The following ADGRE3 variants were observed in gnomAD, a reference collection of about 807,000 sequenced individuals.
The protein encoded by ADGRE3 is adhesion G protein-coupled receptor E3.
In ADGRE3, 88 loss-of-function variants were observed where a neutral mutation model predicts 80.1. The ratio of observed to expected loss-of-function variants is 1.10; its 90% CI spans 0.93 to 1.31. The LOEUF is 1.31. Ranked by LOEUF, ADGRE3 falls within the 40% of genes most tolerant of loss-of-function variation. The pLI is 0.00. For synonymous variants in ADGRE3, 281 were observed against 294.8 expected (o/e 0.95, Z 0.48); for missense variants, 715 against 776.5 (o/e 0.92, Z 0.94).
intron 4 of ADGRE3, among the ~76,000 whole-genome samples, chr19:14,661,653 T>C (rs1971946416): frequency 6.6e-6 from 1 of 152,130 alleles, no homozygotes; most frequent in Non-Finnish European, 1.5e-5. Flanking sequence ...AACAAATACG[T>C]CTTTTCTGAT....
At chr19:14,641,750 T>C (rs1971258088) in intron 9 of ADGRE3, 134 bp from the exon 10 acceptor site, 1 of 1,073,644 alleles carries the variant, frequency 9.3e-7, no homozygotes, top group Non-Finnish European at 1.4e-6. Flanking sequence ...CTAATGTAGA[T>C]TGCTAATGTA....
chr19:14,611,003 T>A, the ADGRE3 span: 5 of 150,418 alleles, frequency 3.3e-5, no homozygotes, highest in African/African-American at 1.2e-4. Flanking sequence ...TCTTTTCCTT[T>A]TTTTTTTTTT....
At chr19:14,620,523 TGAA>T (rs1970535893) in intron 15 of ADGRE3, among the ~76,000 whole-genome samples, 1 of 45,728 alleles carries the variant, frequency 2.2e-5, no homozygotes, top group African/African-American at 8.0e-5. Context: ...TGACTATATA[TGAA>T]TATATATATT....
intron 14 of ADGRE3, chr19:14,628,917 T>G (rs1394610971): frequency 6.4e-6 from 1 of 156,278 alleles, no homozygotes. Flanking sequence ...GACTGGAAGC[T>G]TCTTCTTTTT....
chr19:14,643,843 T>C (rs904053128), intron 9 of ADGRE3, among the ~76,000 whole-genome samples: 5 of 152,034 alleles, frequency 3.3e-5, no homozygotes, highest in African/African-American at 1.2e-4. Context: ...CCTGAGTAGC[T>C]GGGATTACAG....
At chr19:14,620,548 T>TAATATATATATATATATATATATATATA in intron 15 of ADGRE3, among the ~76,000 whole-genome samples, 2 of 24,974 alleles carry the variant, frequency 8.0e-5, no homozygotes, top group African/African-American at 2.1e-4. Flanking sequence ...TATATATATA[T>TAATATATATATATATATATATATATATA]TATATATATA....
the ADGRE3 span, among the ~76,000 whole-genome samples, chr19:14,612,269 G>A: frequency 6.6e-6 from 1 of 152,146 alleles, no homozygotes; most frequent in Non-Finnish European, 1.5e-5. Flanking sequence ...TTGGCTTGTA[G>A]ATGATCCTCT....
the ADGRE3 span, among the ~76,000 whole-genome samples, chr19:14,605,903 T>C: frequency 2.2e-4 from 34 of 152,236 alleles, no homozygotes; most frequent in East Asian, 6.6e-3. Context: ...CACGTCTGGC[T>C]AATTTTTAAA....
At chr19:14,635,562 C>T (rs1459116094) in intron 11 of ADGRE3, among the ~76,000 whole-genome samples, 3 of 151,890 alleles carry the variant, frequency 2.0e-5, no homozygotes, top group Admixed American at 1.3e-4. Flanking sequence ...CAGGCGCGCA[C>T]CACCACGCCC....
intron 2 of ADGRE3, among the ~76,000 whole-genome samples, chr19:14,668,131 G>A (rs553466246): frequency 2.3e-4 from 35 of 152,062 alleles, no homozygotes; most frequent in Non-Finnish European, 4.6e-4. Flanking sequence ...CGTGTCTTTA[G>A]TCCCAGCTAC....
Position 14,647,229 on chromosome 19 carries a change from C to T in ADGRE3, c.834G>A (p.Arg278=). The change falls in exon 8 of 16, where the codon AGG becomes AGA. Residue 278 remains arginine, a synonymous_variant. Coordinates refer to ENST00000253673, the MANE Select transcript of ADGRE3 (RefSeq NM_032571.5). The part of the protein sequence containing the change: ...QVVSAAIGPK[R]NVSLSKSVTL... ...TCACAGACTTGGAGAGAGACACGTT[C>T]CTTTTGGGTCCAATAGCAGCACTCA... 1 of 1,613,956 alleles carries T rather than the reference C, an allele frequency of 6.2e-7. No homozygotes were observed. Among genetic ancestry groups the T allele is most frequent in the South Asian group, 1.1e-5 (1 of 91,076 alleles).
rs377384272 is a variant in ADGRE3 at position 14,663,583 on chromosome 19, A to G, written c.77-43T>C. ...GCAGGTTAAATGGACTGGGGTCACA[A>G]ACTCTCCTGTTATAATTAGGCCCTG... On this transcript the variant is annotated intron_variant, in intron 2 of 15. Transcript: ENST00000253673. 1.5e-5 allele frequency: 24 copies of G among 1,591,630 alleles called. No individual in the cohort carries two copies. In the African/African-American group the frequency reaches 2.4e-4, roughly 16 times the overall value.
At chr19:14,621,309 G>T (rs1970600635) in intron 15 of ADGRE3, among the ~76,000 whole-genome samples, 1 of 152,020 alleles carries the variant, frequency 6.6e-6, no homozygotes, top group African/African-American at 2.4e-5. Context: ...AAAAAAATTA[G>T]CCGGGTGTGG....
At chr19:14,646,164 C>CT (rs1320267479) in intron 8 of ADGRE3, among the ~76,000 whole-genome samples, 1 of 152,060 alleles carries the variant, frequency 6.6e-6, no homozygotes, top group Non-Finnish European at 1.5e-5. Context: ...GACTCTGTTG[C>CT]CAGGCTGGAG....
chr19:14,654,738 A>T (rs1296416445), intron 6 of ADGRE3, among the ~76,000 whole-genome samples: 1 of 152,092 alleles, frequency 6.6e-6, no homozygotes, highest in Admixed American at 6.6e-5. Flanking sequence ...CACCACAATC[A>T]AGGCAGGAAG....
At chr19:14,623,892 A>G (rs1330370579) in intron 15 of ADGRE3, among the ~76,000 whole-genome samples, 1 of 152,192 alleles carries the variant, frequency 6.6e-6, no homozygotes, top group African/African-American at 2.4e-5. Flanking sequence ...CTGAGGAACA[A>G]TATAACAAGA....
intron 10 of ADGRE3, among the ~76,000 whole-genome samples, chr19:14,641,018 T>C (rs942415170): frequency 5.9e-5 from 9 of 152,156 alleles, no homozygotes; most frequent in African/African-American, 1.9e-4. Context: ...CAACCAATGA[T>C]ACTAGTAAGC....
chr19:14,633,091 C>A, intron 12 of ADGRE3, 79 bp from the exon 13 acceptor site: 1 of 1,283,240 alleles, frequency 7.8e-7, no homozygotes, highest in South Asian at 1.2e-5. Context: ...CACAGGAGTC[C>A]TACCCTCTTG....
chr19:14,606,901 A>G, the ADGRE3 span: 1 of 519,218 alleles, frequency 1.9e-6, no homozygotes, highest in Non-Finnish European at 2.9e-6. Context: ...GACGTTCCCA[A>G]GCCCTAAATA....
Sources: gnomAD v4.1 joint callset for allele counts (sites outside exome capture counted in the v4.1 genomes callset) on GRCh38, gnomAD v4.1.1 for gene constraint, MANE v1.5 for transcripts, NCBI Gene and HGNC (gene_info 2026-07-23, HGNC 2026-07-21) for gene names.